Variants in NKD2 observed in about 807,000 individuals in gnomAD.
The protein encoded by NKD2 is protein naked cuticle homolog 2.
NKD2 carries 43 observed loss-of-function variants against 34.8 expected under a neutral mutation model. The ratio of observed to expected loss-of-function variants is 1.24; its 90% confidence interval spans 0.97 to 1.60. The LOEUF (loss-of-function observed/expected upper bound fraction) is 1.60, where lower values mean the gene tolerates loss of function less well. Ranked by LOEUF, NKD2 falls within the 40% of genes most tolerant of loss-of-function variation. The probability of loss-of-function intolerance (pLI) is 0.00; values close to 1 mark genes in which losing one functional copy is unlikely to be tolerated. For synonymous variants in NKD2, 278 were observed against 265.1 expected (o/e 1.05, Z -0.47); for missense variants, 675 against 627.1 (o/e 1.08, Z -0.82).
rs117359084 is a variant in NKD2, at chr5:1,018,817, G to A, written c.141+9257G>A. Among the ~76,000 whole-genome samples the A allele has an allele frequency of 7.2e-5, 11 of 152,282 alleles. 1 individual carries two copies. The East Asian group carries it at 1.9e-3, about 27-fold the overall frequency. On this transcript the variant is annotated intron_variant, in intron 3 of 9. Transcript: ENST00000296849. ...CACCTAGCTGTGCCCAGGGGAAGCC[G>A]CCCCAGAGGCCCATTCTCGGGGTCT... is the stretch of plus-strand genomic sequence containing the variant.
intron 9 of NKD2, among the ~76,000 whole-genome samples, 166 bp downstream of exon 9, chr5:1,036,550 A>AGCTACCTGTTGGTCATGGCTGCCTCCTG (rs2150751803): frequency 7.9e-6 from 1 of 126,804 alleles, no homozygotes; most frequent in Non-Finnish European, 1.6e-5. Flanking sequence ...GTCCTTCCAC[A>AGCTACCTGTTGGTCATGGCTGCCTCCTG]GCTACCTGTT....
chr5:1,028,023 A>G (rs1489410499), intron 3 of NKD2, among the ~76,000 whole-genome samples: 3 of 151,610 alleles, frequency 2.0e-5, no homozygotes, highest in Non-Finnish European at 4.4e-5. Context: ...TGGGGAACAC[A>G]CTCCTTTTGA....
intron 3 of NKD2, among the ~76,000 whole-genome samples, chr5:1,016,985 C>G (rs1048342111): frequency 1.3e-5 from 2 of 152,022 alleles, no homozygotes; most frequent in African/African-American, 4.8e-5. Flanking sequence ...CAAAGGATAA[C>G]AGAGCCGACC....
In NKD2 at chr5:1,009,691, G is replaced by A; in HGVS notation, c.141+131G>A. ...GCCGCCATGGCCGCACGAGTGACCG[G>A]GGGCCAGGAGAGCCAGTCTCTCCCC... On this transcript the variant is annotated intron_variant, in intron 3 of 9. Transcript: ENST00000296849. The surrounding 1 kb of genome is among the most constrained non-coding windows in gnomAD (Gnocchi z 6.9). The A allele has an allele frequency of 1.4e-6, 1 of 709,426 alleles. No individual in the cohort carries two copies. The highest frequency in any genetic ancestry group is 2.1e-6 in the Non-Finnish European group (1 of 477,012). 43.9% of individuals were successfully genotyped at this position (709,426 alleles called of 1,614,324 possible).
intron 3 of NKD2, among the ~76,000 whole-genome samples, chr5:1,014,056 C>T (rs998793974): frequency 1.3e-5 from 2 of 152,208 alleles, no homozygotes; most frequent in African/African-American, 4.8e-5. Flanking sequence ...TAAAACTGCC[C>T]ATTTTGCTGC....
In NKD2 at chr5:1,038,293, C is replaced by A; in HGVS notation, c.1276C>A (p.Pro426Thr). 6.4e-7 allele frequency: 1 copy of A among 1,553,826 alleles called. No individual in the cohort carries two copies. Among genetic ancestry groups the A allele is most frequent in the Non-Finnish European group, 8.7e-7 (1 of 1,155,620 alleles). The change falls in exon 10 of 10, where the codon CCA becomes ACA. Residue 426 changes from proline (P) to threonine (T), a missense_variant. Pro to Thr is a conservative substitution (Grantham distance 38). Transcript: ENST00000296849. The surrounding 1 kb of genome is among the most constrained non-coding windows in gnomAD (Gnocchi z 4.5). ...GCCAGCAGGAGAGGGCTACGCGGTG[C>A]CAGTGATCCAGCGGCACGAGCACCA... ...PTPAGEGYAV[P>T]VIQRHEHHHH...
intron 3 of NKD2, among the ~76,000 whole-genome samples, chr5:1,011,884 G>T (rs890910214): frequency 6.6e-6 from 1 of 152,236 alleles, no homozygotes; most frequent in Non-Finnish European, 1.5e-5. Flanking sequence ...TGCTTTTGGC[G>T]GGACCCGCAC....
rs1369127380 is a variant in NKD2, at chr5:1,033,457, C to T, written c.288C>T (p.Arg96=). The part of the protein sequence containing the change: ...SADDGERAAN[R]EGPRGPGGQR... The stretch of plus-strand genomic sequence containing the variant: ...ATGACGGAGAGAGGGCAGCAAACCG[C>T]GAGGGCCCGCGAGGACCGGGCGGGC... Residue 96 remains arginine (R), a synonymous_variant, in exon 5 of 10, where the codon CGC becomes CGT. Transcript: ENST00000296849. The T allele has an allele frequency of 1.9e-6, 3 of 1,558,040 alleles. No individual in the cohort carries two copies. The highest frequency in any genetic ancestry group is 1.4e-5 in the African/African-American group (1 of 73,360).
intron 3 of NKD2, among the ~76,000 whole-genome samples, chr5:1,015,142 G>C (rs1336278741): frequency 6.6e-6 from 1 of 152,238 alleles, no homozygotes; most frequent in Non-Finnish European, 1.5e-5. Flanking sequence ...CAAGTGCCGG[G>C]GTGCTGCAAG....
intron 9 of NKD2, chr5:1,037,594 TGCAGGGA>T: frequency 2.6e-6 from 4 of 1,535,736 alleles, no homozygotes; most frequent in Non-Finnish European, 3.5e-6. Context: ...AGTCGGCCTT[TGCAGGGA>T]GCTGTGGAGC....
intron 3 of NKD2, among the ~76,000 whole-genome samples, chr5:1,029,924 G>T (rs1440114261): frequency 1.3e-5 from 2 of 151,884 alleles, no homozygotes; most frequent in African/African-American, 4.9e-5. Context: ...CTGTAAGGAG[G>T]CTCAGGGCAC....
chr5:1,024,277 T>C (rs373099169), intron 3 of NKD2, among the ~76,000 whole-genome samples: 4 of 5,088 alleles, frequency 7.9e-4, no homozygotes, highest in African/African-American at 6.8e-4. Flanking sequence ...TGTGGGCGTC[T>C]CAGCCCGTTG....
intron 3 of NKD2, among the ~76,000 whole-genome samples, chr5:1,028,247 C>G (rs905945699): frequency 6.6e-6 from 1 of 152,118 alleles, no homozygotes; most frequent in African/African-American, 2.4e-5. Flanking sequence ...GGGTGGTTGG[C>G]TCACAGACCA....
At chr5:1,014,998 C>T (rs1173326869) in intron 3 of NKD2, among the ~76,000 whole-genome samples, 1 of 152,240 alleles carries the variant, frequency 6.6e-6, no homozygotes, top group African/African-American at 2.4e-5. Flanking sequence ...TCCCTCGTGC[C>T]TGGGCCACCT....
In NKD2 at chr5:1,038,117, A is replaced by C. The variant is rs1734095177; in HGVS notation, c.1100A>C (p.Gln367Pro). 1 of 1,597,662 alleles carries C rather than the reference A, an allele frequency of 6.3e-7. No homozygotes were observed. The highest frequency in any genetic ancestry group is 1.3e-5 in the African/African-American group (1 of 74,650). Reference protein sequence around the residue: ...LPAVLPPQAPQDGHHLPQPPP... With the variant: ...LPAVLPPQAPPDGHHLPQPPP... Reference sequence around the variant, plus strand: ...GCCGTCCTGCCGCCCCAGGCCCCTCAGGACGGCCACCACCTCCCGCAGCCC... The same window carrying C: ...GCCGTCCTGCCGCCCCAGGCCCCTCCGGACGGCCACCACCTCCCGCAGCCC... Residue 367 changes from glutamine (Q) to proline (P), a missense_variant, in exon 10 of 10, where the codon CAG (glutamine) becomes CCG (proline). Physicochemically the swap from Gln to Pro is moderately conservative, Grantham distance 76. Coordinates refer to ENST00000296849, the MANE Select transcript of NKD2 (RefSeq NM_033120.4). The surrounding 1 kb of genome is among the most constrained non-coding windows in gnomAD (Gnocchi z 4.5).
At chr5:1,023,300 G>T (rs555580608) in intron 3 of NKD2, among the ~76,000 whole-genome samples, 16 of 17,036 alleles carry the variant, frequency 9.4e-4, no homozygotes, top group Non-Finnish European at 1.5e-3. Context: ...GTCCCAGCCC[G>T]TTGTCCCTGC....
intron 3 of NKD2, among the ~76,000 whole-genome samples, chr5:1,017,016 G>A (rs1755984395): frequency 6.6e-6 from 1 of 150,540 alleles, no homozygotes; most frequent in South Asian, 2.1e-4. Context: ...TCCCACAAAG[G>A]ATAACAGAGC....
Position 1,038,771 on chromosome 5 carries a change from C to T in NKD2, c.*398C>T. ...AAGGGGTGACTGCTGTAGGCTGTCC[C>T]AGTGCGAGGCCGGGAGCGAATGGAA... is the stretch of plus-strand genomic sequence containing the variant. On this transcript the variant is annotated 3_prime_UTR_variant, in exon 10 of 10. Coordinates refer to ENST00000296849, the MANE Select transcript of NKD2 (RefSeq NM_033120.4). This position sits in a 1 kb window ranked among gnomAD's most constrained non-coding sequence, Gnocchi z 4.5. The T allele has an allele frequency of 2.3e-6, 1 of 432,170 alleles. No homozygotes were observed. Among genetic ancestry groups the T allele is most frequent in the South Asian group, 2.6e-5 (1 of 38,810 alleles). 26.8% of individuals were successfully genotyped at this position (432,170 alleles called of 1,614,324 possible).
chr5:1,034,392 G>T, intron 6 of NKD2, 62 bp downstream of exon 6: 1 of 1,372,858 alleles, frequency 7.3e-7, no homozygotes, highest in Non-Finnish European at 1.0e-6. Flanking sequence ...GACAGACTGT[G>T]CTGGCCTCGC....
Sources: allele counts gnomAD v4.1 joint callset (sites outside exome capture counted in the v4.1 genomes callset), GRCh38; gene constraint gnomAD v4.1.1; non-coding constraint Gnocchi (gnomAD v3.1); transcripts MANE v1.5; gene names NCBI Gene and HGNC (gene_info 2026-07-23, HGNC 2026-07-21).